Variants in PRKCZ observed in about 807,000 individuals in gnomAD.
The protein encoded by PRKCZ is protein kinase C zeta, also known as protein kinase C zeta type.
Under a neutral mutation model 79.5 loss-of-function variants are expected in PRKCZ, and 33 were observed. The ratio of observed to expected loss-of-function variants is 0.41; its 90% CI spans 0.31 to 0.55. The LOEUF (loss-of-function observed/expected upper bound fraction) is 0.55, where lower values mean the gene tolerates loss of function less well. Ranked by LOEUF, PRKCZ falls within the 20% of genes least tolerant of loss-of-function variation. The probability of loss-of-function intolerance (pLI) is 0.19; values close to 1 mark genes in which losing one functional copy is unlikely to be tolerated. For missense variants in PRKCZ, 578 were observed against 813.5 expected, an observed-to-expected ratio of 0.71 and a Z score of 3.52; for synonymous variants, 342 against 320.9, an observed-to-expected ratio of 1.07 and a Z score of -0.70.
chr1:2,086,505 T>G (rs1664546872), intron 4 of PRKCZ, among the ~76,000 whole-genome samples: 1 of 152,192 alleles, frequency 6.6e-6, no homozygotes, highest in African/African-American at 2.4e-5. Flanking sequence ...TGCTACCCGC[T>G]TTTCCATCAG....
intron 16 of PRKCZ, among the ~76,000 whole-genome samples, chr1:2,179,884 G>C (rs1036033491): frequency 1.3e-5 from 2 of 152,200 alleles, no homozygotes; most frequent in African/African-American, 4.8e-5. Flanking sequence ...GCTGCGCAAG[G>C]AGCCGGCGGC....
chr1:2,074,068 G>A (rs1327065572), intron 4 of PRKCZ: 29 of 1,479,138 alleles, frequency 2.0e-5, no homozygotes, highest in South Asian at 9.5e-5. Flanking sequence ...CTGCCTGTGC[G>A]CTGCACAGAT....
chr1:2,152,098 G>C (rs262664), intron 9 of PRKCZ, among the ~76,000 whole-genome samples: 52,210 of 151,988 alleles, frequency 0.34, 9,261 homozygotes, highest in South Asian at 0.41. Context: ...CACTCTGCCC[G>C]CCTCAGCCTG....
At position 2,125,638 on chromosome 1, in the gene PRKCZ, CTG is replaced by C. The variant is rs983677987; in HGVS notation, c.335-9623_335-9622del. On this transcript the variant is annotated intron_variant, in intron 4 of 17. Transcript: ENST00000378567. The surrounding 1 kb of genome is among the most constrained non-coding windows in gnomAD (Gnocchi z 4.2). ...TGCTCCCAGGGAACCCAAGAAAAGACTGAGACCCTGTGGTGCCTCCCGCTTTC... is the reference window on the plus strand; with the variant it reads ...TGCTCCCAGGGAACCCAAGAAAAGACAGACCCTGTGGTGCCTCCCGCTTTC... Among the ~76,000 whole-genome samples the C allele has an allele frequency of 3.9e-5, 6 of 152,206 alleles. No individual in the cohort carries two copies. Among genetic ancestry groups the C allele is most frequent in the Non-Finnish European group, 8.8e-5 (6 of 68,028 alleles).
chr1:2,170,385 C>T lies in PRKCZ; in HGVS notation c.1061+781C>T, dbSNP rs185064758. 3.1e-3 allele frequency among the ~76,000 whole-genome samples: 469 copies of T among 152,294 alleles called. 5 individuals carry two copies. Among genetic ancestry groups the T allele is most frequent in the Non-Finnish European group, 4.2e-3 (288 of 68,020 alleles). ...TTTTCCTCATTTCCTTACTTAAGAA[C>T]GTTGCATGCAGTTTTGTGAGTCACC... On this transcript the variant is annotated intron_variant, in intron 11 of 17. Transcript: ENST00000378567.
intron 16 of PRKCZ, 45 bp downstream of exon 16, chr1:2,175,358 CCCCAAATCTA>C: frequency 6.7e-7 from 1 of 1,499,536 alleles, no homozygotes; most frequent in Admixed American, 1.9e-5. Flanking sequence ...CCCATCCCAA[CCCCAAATCTA>C]CCCAACCCCC....
Position 2,094,426 on chromosome 1 carries a change from G to A in PRKCZ, c.334+34835G>A, listed in dbSNP as rs1432600773. On this transcript the variant is annotated intron_variant, in intron 4 of 17. Coordinates refer to ENST00000378567, the MANE Select transcript of PRKCZ (RefSeq NM_002744.6). This position sits in a 1 kb window ranked among gnomAD's most constrained non-coding sequence, Gnocchi z 7.3. Reference sequence around the variant, plus strand: ...GTGCCCGGCTCGTTGAACCTTGGGCGCTGCCCGTTCTGAGGCACCCGCTGT... The same window carrying A: ...GTGCCCGGCTCGTTGAACCTTGGGCACTGCCCGTTCTGAGGCACCCGCTGT... Among the ~76,000 whole-genome samples the A allele has an allele frequency of 2.0e-5, 3 of 150,894 alleles. No homozygotes were observed. The highest frequency in any genetic ancestry group is 3.0e-5 in the Non-Finnish European group (2 of 67,718).
intron 4 of PRKCZ, among the ~76,000 whole-genome samples, chr1:2,105,838 T>G (rs1019472917): frequency 6.6e-6 from 1 of 152,208 alleles, no homozygotes; most frequent in Non-Finnish European, 1.5e-5. Context: ...AAGGTCACTT[T>G]CAGACACATA....
intron 10 of PRKCZ, among the ~76,000 whole-genome samples, chr1:2,167,548 C>T (rs1453858735): frequency 6.6e-6 from 1 of 151,994 alleles, no homozygotes; most frequent in Admixed American, 6.5e-5. Context: ...GCGTGTAACT[C>T]CTGGTGGCAA....
rs373652224 is a variant in PRKCZ at position 2,155,425 on chromosome 1, CAGTGACGGT to C, written c.877-569_877-561del. On this transcript the variant is annotated intron_variant, in intron 9 of 17. Coordinates refer to ENST00000378567, the MANE Select transcript of PRKCZ (RefSeq NM_002744.6). ...ACGGTGATGATGGCAGTGGTGATGA[CAGTGACGGT>C]TGTGATGGTGATGATGGTGGTGGTG... Among the ~76,000 whole-genome samples the C allele has an allele frequency of 5.7e-3, 849 of 148,442 alleles. 9 individuals carry two copies. Among genetic ancestry groups the C allele is most frequent in the African/African-American group, 0.021 (827 of 40,236 alleles).
intron 4 of PRKCZ, among the ~76,000 whole-genome samples, chr1:2,105,219 C>T (rs1418104995): frequency 2.6e-5 from 4 of 152,204 alleles, no homozygotes; most frequent in Non-Finnish European, 5.9e-5. Flanking sequence ...TGTACCGGCA[C>T]TGCCGCCCAG....
At chr1:2,157,522 A>C (rs572618598) in intron 10 of PRKCZ, among the ~76,000 whole-genome samples, 1 of 151,980 alleles carries the variant, frequency 6.6e-6, no homozygotes, top group Non-Finnish European at 1.5e-5. Flanking sequence ...GGTTCAAGCA[A>C]TTCTCCTGCC....
At chr1:2,086,843 C>T (rs960926188) in intron 4 of PRKCZ, among the ~76,000 whole-genome samples, 5 of 152,204 alleles carry the variant, frequency 3.3e-5, no homozygotes, top group South Asian at 2.1e-4. Flanking sequence ...GCGGATGACA[C>T]AGCTTCAGAG....
chr1:2,096,268 C>T (rs564237475), intron 4 of PRKCZ, among the ~76,000 whole-genome samples: 34 of 151,850 alleles, frequency 2.2e-4, no homozygotes, highest in Non-Finnish European at 3.1e-4. Context: ...GGGAGGCGCA[C>T]GGCAGCATGA....
intron 4 of PRKCZ, among the ~76,000 whole-genome samples, chr1:2,117,998 C>CTTTTTTTTTTTTTTTTTTTTTTTT (rs1553152756): frequency 1.5e-5 from 1 of 65,058 alleles, no homozygotes; most frequent in Non-Finnish European, 2.7e-5. Flanking sequence ...CCTATTATTT[C>CTTTTTTTTTTTTTTTTTTTTTTTT]TTTTTTTTTT....
intron 4 of PRKCZ, among the ~76,000 whole-genome samples, chr1:2,084,509 G>A (rs371666748): frequency 1.7e-4 from 26 of 152,346 alleles, no homozygotes; most frequent in African/African-American, 5.5e-4. Context: ...ATGCGCGGCC[G>A]GCCGGCTCAC....
At chr1:2,083,408 G>A (rs1663939174) in intron 4 of PRKCZ, among the ~76,000 whole-genome samples, 1 of 152,152 alleles carries the variant, frequency 6.6e-6, no homozygotes, top group East Asian at 1.9e-4. Flanking sequence ...AGTGTGAACT[G>A]TACTGAAAAT....
Position 2,172,497 on chromosome 1 carries a change from C to T in PRKCZ, c.1285+109C>T. On this transcript the variant is annotated intron_variant, in intron 13 of 17. Coordinates refer to ENST00000378567, the MANE Select transcript of PRKCZ (RefSeq NM_002744.6). This position sits in a 1 kb window ranked among gnomAD's most constrained non-coding sequence, Gnocchi z 7.8. ...TCCTTGACCATCTTACACCCAAAAG[C>T]CACACACTGTCTTTCCCAGCCGGAT... 8.4e-7 allele frequency: 1 copy of T among 1,196,322 alleles called. No individual in the cohort carries two copies. The highest frequency in any genetic ancestry group is 1.5e-5 in the South Asian group (1 of 65,320). The allele number at this position is 1,196,322 out of a possible 1,614,324, so 74.1% of individuals were successfully genotyped here. A position where few individuals can be genotyped will look rare whatever the true frequency, so the allele number is the denominator to read the frequency against.
At chr1:2,053,924 C>A (rs1249286340) in intron 1 of PRKCZ, among the ~76,000 whole-genome samples, 1 of 152,088 alleles carries the variant, frequency 6.6e-6, no homozygotes, top group African/African-American at 2.4e-5. Flanking sequence ...TGCTTGGGCA[C>A]TGGGGGCAGG....
Sources: gnomAD v4.1 joint callset for allele counts (sites outside exome capture counted in the v4.1 genomes callset) on GRCh38, gnomAD v4.1.1 for gene constraint, Gnocchi (gnomAD v3.1) non-coding constraint, MANE v1.5 for transcripts, NCBI Gene and HGNC (gene_info 2026-07-23, HGNC 2026-07-21) for gene names.